The following PCDHGA11 variants were observed in gnomAD, a reference collection of about 807,000 sequenced individuals.
PCDHGA11 encodes the protein protocadherin gamma subfamily A, 11, also known as protocadherin gamma-A11.
Under a neutral mutation model 60.4 loss-of-function variants are expected in PCDHGA11, and 39 were observed. The ratio of observed to expected loss-of-function variants is 0.65; its 90% CI spans 0.50 to 0.84. The LOEUF (loss-of-function observed/expected upper bound fraction) is 0.84. PCDHGA11 is among the 40% of genes least tolerant of loss of function. PCDHGA11 has a pLI of 0.00. For missense variants in PCDHGA11, 1,165 were observed against 1,197.7 expected (o/e 0.97, Z 0.40); for synonymous variants, 533 against 510.3 (o/e 1.04, Z -0.60).
chr5:141,476,756 C>T lies in PCDHGA11; in HGVS notation c.2434-18051C>T. On this transcript the variant is annotated intron_variant, in intron 1 of 3. Transcript: ENST00000398587. The surrounding 1 kb of genome is among the most constrained non-coding windows in gnomAD (Gnocchi z 7.6). ...ACGGGAGCCTAGTCTCCAGTTAGTGCTGACGGCGTTGGACGGAGGGACCCC... is the reference window on the plus strand; with the variant it reads ...ACGGGAGCCTAGTCTCCAGTTAGTGTTGACGGCGTTGGACGGAGGGACCCC... 3 of 1,613,928 alleles carry T rather than the reference C, an allele frequency of 1.9e-6. No homozygotes were observed. Among genetic ancestry groups the T allele is most frequent in the Non-Finnish European group, 2.5e-6 (3 of 1,180,010 alleles).
intron 1 of PCDHGA11, among the ~76,000 whole-genome samples, chr5:141,453,067 C>T (rs1227122711): frequency 1.3e-5 from 2 of 152,024 alleles, no homozygotes; most frequent in Admixed American, 6.6e-5. Flanking sequence ...AGAGTTTTGC[C>T]ACACTCTGGT....
chr5:141,511,419 G>A lies in PCDHGA11; in HGVS notation c.*246G>A, dbSNP rs1437533706. On this transcript the variant is annotated 3_prime_UTR_variant, in exon 4 of 4. Coordinates refer to ENST00000398587, the MANE Select transcript of PCDHGA11 (RefSeq NM_018914.3). Reference sequence around the variant, plus strand: ...ATCCAATCAACTGCTGTACCCATGGGGGTAGTGGGGTTACTGTAGACACCA... The same window carrying A: ...ATCCAATCAACTGCTGTACCCATGGAGGTAGTGGGGTTACTGTAGACACCA... 1.2e-6 allele frequency: 1 copy of A among 830,454 alleles called. No individual in the cohort carries two copies. The highest frequency in any genetic ancestry group is 1.7e-5 in the African/African-American group (1 of 58,076). 51.4% of individuals were successfully genotyped at this position (830,454 alleles called of 1,614,324 possible).
At chr5:141,492,553 G>A (rs1184580300) in intron 1 of PCDHGA11, among the ~76,000 whole-genome samples, 1 of 152,148 alleles carries the variant, frequency 6.6e-6, no homozygotes, top group Non-Finnish European at 1.5e-5. Flanking sequence ...CGGGTCGCCT[G>A]GGGGGCGGCC....
Position 141,486,986 on chromosome 5 carries a change from T to C in PCDHGA11, c.2434-7821T>C. Reference sequence around the variant, plus strand: ...GGACTTGGATTCAGGTTACAATGCTTGGGTTTCCTATCAGCTCCTGGAGGC... The same window carrying C: ...GGACTTGGATTCAGGTTACAATGCTCGGGTTTCCTATCAGCTCCTGGAGGC... On this transcript the variant is annotated intron_variant, in intron 1 of 3. Coordinates refer to ENST00000398587, the MANE Select transcript of PCDHGA11 (RefSeq NM_018914.3). The surrounding 1 kb of genome is among the most constrained non-coding windows in gnomAD (Gnocchi z 5.0). 6.2e-7 allele frequency: 1 copy of C among 1,614,214 alleles called. No homozygotes were observed. Among genetic ancestry groups the C allele is most frequent in the South Asian group, 1.1e-5 (1 of 91,088 alleles).
rs1385408442 is a variant in PCDHGA11 at position 141,487,321 on chromosome 5, T to A, written c.2434-7486T>A. 1 of 1,614,198 alleles carries A rather than the reference T, an allele frequency of 6.2e-7. No homozygotes were observed. The highest frequency in any genetic ancestry group is 1.7e-5 in the Admixed American group (1 of 60,032). ...TCGTGGCACTACTCTCTAAGTGTCT[T>A]CGTGGGGCAGCCTGTGGAGTCACAT... is the stretch of plus-strand genomic sequence containing the variant. On this transcript the variant is annotated intron_variant, in intron 1 of 3. Transcript: ENST00000398587. This position sits in a 1 kb window ranked among gnomAD's most constrained non-coding sequence, Gnocchi z 5.0.
chr5:141,476,725 C>G lies in PCDHGA11; in HGVS notation c.2434-18082C>G. On this transcript the variant is annotated intron_variant, in intron 1 of 3. Coordinates refer to ENST00000398587, the MANE Select transcript of PCDHGA11 (RefSeq NM_018914.3). This position sits in a 1 kb window ranked among gnomAD's most constrained non-coding sequence, Gnocchi z 7.6. ...AGCTGGTGTTGGAGCGCGCCCTGGA[C>G]CGAGAACGGGAGCCTAGTCTCCAGT... The G allele has an allele frequency of 6.2e-7, 1 of 1,614,132 alleles. No homozygotes were observed. Among genetic ancestry groups the G allele is most frequent in the Non-Finnish European group, 8.5e-7 (1 of 1,180,038 alleles).
chr5:141,485,982 A>G lies in PCDHGA11; in HGVS notation c.2434-8825A>G. 6.2e-7 allele frequency: 1 copy of G among 1,614,156 alleles called. No homozygotes were observed. The highest frequency in any genetic ancestry group is 8.5e-7 in the Non-Finnish European group (1 of 1,180,020). ...ATCCAGCTCAATGCCTCAGACCCGG[A>G]CCTGGGTCCCAGTGGTAACGTCACC... On this transcript the variant is annotated intron_variant, in intron 1 of 3. Coordinates refer to ENST00000398587, the MANE Select transcript of PCDHGA11 (RefSeq NM_018914.3). The surrounding 1 kb of genome is among the most constrained non-coding windows in gnomAD (Gnocchi z 5.7).
chr5:141,421,489 G>A lies in PCDHGA11; in HGVS notation c.262G>A (p.Ala88Thr). ...TCCGCGAAGCGGCAGCTTGATCACGGCAGGCAGGATAGACCGGGAGGAGCT... is the reference window on the plus strand; with the variant it reads ...TCCGCGAAGCGGCAGCTTGATCACGACAGGCAGGATAGACCGGGAGGAGCT... ...VNPRSGSLITAGRIDREELCE... is the reference protein window; with the variant it reads ...VNPRSGSLITTGRIDREELCE... Residue 88 changes from alanine (A) to threonine (T), a missense_variant, in exon 1 of 4, where the codon GCA (alanine) becomes ACA (threonine). By Grantham distance (58) the Ala-to-Thr change is moderately conservative. Transcript: ENST00000398587. The A allele has an allele frequency of 6.2e-7, 1 of 1,614,094 alleles. No individual in the cohort carries two copies. Among genetic ancestry groups the A allele is most frequent in the Non-Finnish European group, 8.5e-7 (1 of 1,179,922 alleles).
chr5:141,497,100 T>A (rs886445893), intron 2 of PCDHGA11, among the ~76,000 whole-genome samples: 2 of 151,774 alleles, frequency 1.3e-5, no homozygotes, highest in Non-Finnish European at 2.9e-5. Context: ...GAGGCAGAAC[T>A]GCTTGAACCC....
In PCDHGA11 at chr5:141,431,777, G is replaced by T. The variant is rs151011884; in HGVS notation, c.2433+8117G>T. 5,401 of 1,614,186 alleles carry T rather than the reference G, an allele frequency of 3.3e-3. 6 individuals are homozygous for T. Among genetic ancestry groups the T allele is most frequent in the Non-Finnish European group, 4.2e-3 (4,899 of 1,180,002 alleles). On this transcript the variant is annotated intron_variant, in intron 1 of 3. Coordinates refer to ENST00000398587, the MANE Select transcript of PCDHGA11 (RefSeq NM_018914.3). The surrounding 1 kb of genome is among the most constrained non-coding windows in gnomAD (Gnocchi z 4.8). ...CAAAGTCCTGATCACTGTTCTGGAC[G>T]TGAACGACAATGCCCCAGAAGTGGT...
chr5:141,490,730 A>C lies in PCDHGA11; in HGVS notation c.2434-4077A>C. On this transcript the variant is annotated intron_variant, in intron 1 of 3. Coordinates refer to ENST00000398587, the MANE Select transcript of PCDHGA11 (RefSeq NM_018914.3). This position sits in a 1 kb window ranked among gnomAD's most constrained non-coding sequence, Gnocchi z 5.4. ...CTCACCTACTCCATTGTAGGAAATC[A>C]GGTTCAGGGAGCCCCAGCCTCCTCC... 6.2e-7 allele frequency: 1 copy of C among 1,614,188 alleles called. No homozygotes were observed. Among genetic ancestry groups the C allele is most frequent in the Non-Finnish European group, 8.5e-7 (1 of 1,180,024 alleles).
At chr5:141,484,863 G>T (rs561595169) in intron 1 of PCDHGA11, 136 of 273,782 alleles carry the variant, frequency 5.0e-4, no homozygotes, top group African/African-American at 2.8e-3. Context: ...GGGGGTGGGG[G>T]AGCGTGGAGG....
At chr5:141,439,183 ACT>A (rs1255299140) in intron 1 of PCDHGA11, among the ~76,000 whole-genome samples, 3 of 145,262 alleles carry the variant, frequency 2.1e-5, no homozygotes, top group Non-Finnish European at 3.0e-5. Context: ...ACATAGTGAG[ACT>A]CTGACAAAAA....
intron 2 of PCDHGA11, among the ~76,000 whole-genome samples, chr5:141,500,942 C>T (rs937418207): frequency 2.0e-5 from 3 of 151,926 alleles, no homozygotes; most frequent in Non-Finnish European, 4.4e-5. Context: ...CATCTCGGCT[C>T]ACTGCAAGCT....
At chr5:141,448,990 T>C (rs1419678645) in intron 1 of PCDHGA11, among the ~76,000 whole-genome samples, 1 of 152,070 alleles carries the variant, frequency 6.6e-6, no homozygotes, top group Non-Finnish European at 1.5e-5. Flanking sequence ...TATTAATATA[T>C]AGAAAGCTGT....
chr5:141,502,884 A>T (rs2099816871), intron 2 of PCDHGA11, among the ~76,000 whole-genome samples: 1 of 36,804 alleles, frequency 2.7e-5, no homozygotes, highest in African/African-American at 3.5e-4. Context: ...TTTTTTTGAC[A>T]GGGAGTCTAG....
At chr5:141,443,728 C>T (rs1434984241) in intron 1 of PCDHGA11, among the ~76,000 whole-genome samples, 1 of 152,060 alleles carries the variant, frequency 6.6e-6, no homozygotes, top group Admixed American at 6.5e-5. Flanking sequence ...ATTCCTCATA[C>T]ATTTCCCTAT....
At position 141,485,272 on chromosome 5, in the gene PCDHGA11, C is replaced by T. The variant is rs764196730; in HGVS notation, c.2434-9535C>T. The T allele has an allele frequency of 1.9e-6, 3 of 1,613,948 alleles. No homozygotes were observed. The highest frequency in any genetic ancestry group is 2.7e-5 in the African/African-American group (2 of 74,932). On this transcript the variant is annotated intron_variant, in intron 1 of 3. Transcript: ENST00000398587. The surrounding 1 kb of genome is among the most constrained non-coding windows in gnomAD (Gnocchi z 5.7). ...GTTACGTTTGTGGGCAGATCCGCTACCCGGTCCCAGAGGAGTCACAGGAAG... is the reference window on the plus strand; with the variant it reads ...GTTACGTTTGTGGGCAGATCCGCTATCCGGTCCCAGAGGAGTCACAGGAAG...
chr5:141,492,833 C>T (rs951935267), intron 1 of PCDHGA11, among the ~76,000 whole-genome samples: 2 of 152,222 alleles, frequency 1.3e-5, no homozygotes, highest in African/African-American at 4.8e-5. Flanking sequence ...CCCTTCCTCC[C>T]GCAGGAAGTG....
Sources: gnomAD v4.1 joint callset for allele counts (sites outside exome capture counted in the v4.1 genomes callset) on GRCh38, gnomAD v4.1.1 for gene constraint, Gnocchi (gnomAD v3.1) non-coding constraint, MANE v1.5 for transcripts, NCBI Gene and HGNC (gene_info 2026-07-23, HGNC 2026-07-21) for gene names.